CTDNEP1: variants seen among roughly 807,000 people sequenced by gnomAD.
The protein encoded by CTDNEP1 is CTD nuclear envelope phosphatase 1, also known as C-terminal domain nuclear envelope phosphatase 1.
A neutral mutation model predicts 30.1 loss-of-function variants in CTDNEP1; 3 were observed. The observed-to-expected ratio is 0.10, with a 90% confidence interval of 0.05 to 0.26. The LOEUF (loss-of-function observed/expected upper bound fraction) is 0.26. CTDNEP1 is among the 10% of genes least tolerant of loss of function. The pLI is 1.00. For synonymous variants in CTDNEP1, 123 were observed against 118.8 expected, an observed-to-expected ratio of 1.04 and a Z score of -0.23; for missense variants, 158 against 310.4, an observed-to-expected ratio of 0.51 and a Z score of 3.69.
Position 7,246,662 on chromosome 17 carries a change from A to C in CTDNEP1, c.360+129T>G, listed in dbSNP as rs112395362. On this transcript the variant is annotated intron_variant, in intron 4 of 7. Transcript: ENST00000574322. The surrounding 1 kb of genome is among the most constrained non-coding windows in gnomAD (Gnocchi z 4.9). ...TACTGAAAGCCACTCCCCTACCATT[A>C]CACAGCCTCCCCTCTAGAAAACTGC... The C allele has an allele frequency of 1.1e-3, 827 of 763,872 alleles. 5 individuals carry two copies. The highest frequency in any genetic ancestry group is 8.6e-3 in the African/African-American group (494 of 57,494). The allele number at this position is 763,872 out of a possible 1,614,324, so 47.3% of individuals were successfully genotyped here. A position where few individuals can be genotyped will look rare whatever the true frequency, so the allele number is the denominator to read the frequency against.
Position 7,251,195 on chromosome 17 carries a change from C to T in CTDNEP1, c.102G>A (p.Thr34=). 1 of 1,595,178 alleles carries T rather than the reference C, an allele frequency of 6.3e-7. No individual in the cohort carries two copies. ...FIYLLRRQIR[T]VIQYQTVRYD... ...ACCGCCAGCGCCCACCCTGGCTCACCGTGCGGATCTGCCTCCGCAGAAGGT... is the reference window on the plus strand; with the variant it reads ...ACCGCCAGCGCCCACCCTGGCTCACTGTGCGGATCTGCCTCCGCAGAAGGT... Residue 34 remains threonine, a splice_region_variant and synonymous_variant, in exon 1 of 8, where the codon ACG becomes ACA. Coordinates refer to ENST00000574322, the MANE Select transcript of CTDNEP1 (RefSeq NM_001143775.2).
In CTDNEP1 at chr17:7,247,302, T is replaced by C. The variant is rs767622720; in HGVS notation, c.144A>G (p.Leu48=). The change falls in exon 2 of 8, where the codon TTA becomes TTG. Residue 48 remains leucine (L), a synonymous_variant. Coordinates refer to ENST00000574322, the MANE Select transcript of CTDNEP1 (RefSeq NM_001143775.2). ...YQTVRYDILP[L]SPVSRNRLAQ... is the part of the protein sequence containing the mutation. The stretch of plus-strand genomic sequence containing the variant: ...CTAGCCGATTCCGGGACACAGGAGA[T>C]AAGGGGAGGATATCATATCGAACAG... The C allele has an allele frequency of 4.3e-6, 7 of 1,613,798 alleles. No individual in the cohort carries two copies. The African/African-American group carries it at 5.3e-5, about 12-fold the overall frequency.
rs187122310 is a variant in CTDNEP1 at position 7,246,486 on chromosome 17, T to C, written c.361-116A>G. On this transcript the variant is annotated intron_variant, in intron 4 of 7. Coordinates refer to ENST00000574322, the MANE Select transcript of CTDNEP1 (RefSeq NM_001143775.2). This position sits in a 1 kb window ranked among gnomAD's most constrained non-coding sequence, Gnocchi z 4.9. ...CTTCAGGCCTTCCATCAACATCAAA[T>C]GTCTCTGAGGACACGAAATTCTGAA... 528 of 794,654 alleles carry C rather than the reference T, an allele frequency of 6.6e-4. 2 individuals carry two copies. Among genetic ancestry groups the C allele is most frequent in the Middle Eastern group, 4.8e-3 (13 of 2,708 alleles). 49.2% of individuals were successfully genotyped at this position (794,654 alleles called of 1,614,324 possible). A position where few individuals can be genotyped will look rare whatever the true frequency, so the allele number is the denominator to read the frequency against.
At position 7,246,431 on chromosome 17, in the gene CTDNEP1, G is replaced by T; in HGVS notation, c.361-61C>A. On this transcript the variant is annotated intron_variant, in intron 4 of 7. Transcript: ENST00000574322. The surrounding 1 kb of genome is among the most constrained non-coding windows in gnomAD (Gnocchi z 4.9). Reference sequence around the variant, plus strand: ...AGGTGATGATTCCTTTAGACATACAGTTATCTTTCAGAAAGGCAATGGCAT... The same window carrying T: ...AGGTGATGATTCCTTTAGACATACATTTATCTTTCAGAAAGGCAATGGCAT... 8.1e-7 allele frequency: 1 copy of T among 1,235,222 alleles called. No individual in the cohort carries two copies. Among genetic ancestry groups the T allele is most frequent in the Non-Finnish European group, 1.2e-6 (1 of 841,382 alleles). The allele number at this position is 1,235,222 out of a possible 1,614,324, so 76.5% of individuals were successfully genotyped here.
chr17:7,251,376 C>CG lies in CTDNEP1; in HGVS notation c.-81dup. The stretch of plus-strand genomic sequence containing the variant: ...CCCCCCGGGGGCAGCCCCCCGCCGC[C>CG]GGGAGGGGGAACGGGGGCCCCGAGT... On this transcript the variant is annotated 5_prime_UTR_variant, in exon 1 of 8. Coordinates refer to ENST00000574322, the MANE Select transcript of CTDNEP1 (RefSeq NM_001143775.2). The CG allele has an allele frequency of 1.0e-6, 1 of 998,440 alleles. No homozygotes were observed. The highest frequency in any genetic ancestry group is 1.3e-6 in the Non-Finnish European group (1 of 741,552). The allele number at this position is 998,440 out of a possible 1,614,324, so 61.8% of individuals were successfully genotyped here. A position where few individuals can be genotyped will look rare whatever the true frequency, so the allele number is the denominator to read the frequency against.
chr17:7,249,499 G>T (rs1026837148), intron 1 of CTDNEP1, among the ~76,000 whole-genome samples: 24 of 152,362 alleles, frequency 1.6e-4, no homozygotes, highest in African/African-American at 5.5e-4. Flanking sequence ...TATGGGGTCA[G>T]TGCTGCCCAA....
In CTDNEP1 at chr17:7,246,260, G is replaced by A. The variant is rs1316001246; in HGVS notation, c.471C>T (p.Tyr157=). Residue 157 remains tyrosine, a synonymous_variant, in exon 5 of 8, where the codon TAC becomes TAT. Transcript: ENST00000574322. This position sits in a 1 kb window ranked among gnomAD's most constrained non-coding sequence, Gnocchi z 4.9. ...NSRSILKRRY[Y]RQHCTLELGS... is the part of the protein sequence containing the mutation. ...GACTGGGATTCTAGCTTACCTGTCT[G>A]TAATATCTCCTCTTAAGAATGCTTC... 1.2e-6 allele frequency: 2 copies of A among 1,609,802 alleles called. No individual in the cohort carries two copies. Among genetic ancestry groups the A allele is most frequent in the African/African-American group, 1.3e-5 (1 of 74,814 alleles).
Position 7,246,085 on chromosome 17 carries a change from C to G in CTDNEP1, c.530G>C (p.Ser177Thr), listed in dbSNP as rs1037163194. 4 of 1,614,004 alleles carry G rather than the reference C, an allele frequency of 2.5e-6. No homozygotes were observed. In the African/African-American group the frequency reaches 5.3e-5, roughly 22 times the overall value. Residue 177 changes from serine (S) to threonine (T), a missense_variant, in exon 6 of 8, where the codon AGT becomes ACT. Physicochemically the swap from Ser to Thr is moderately conservative, Grantham distance 58. Transcript: ENST00000574322. The surrounding 1 kb of genome is among the most constrained non-coding windows in gnomAD (Gnocchi z 4.9). Reference protein sequence around the residue: ...SYIKDLSVVHSDLSSIVILDN... With the variant: ...SYIKDLSVVHTDLSSIVILDN... Reference sequence around the variant, plus strand: ...CAGGATCACAATGCTGGAGAGGTCACTGTGGACCACAGAGAGGTCCTTGAT... The same window carrying G: ...CAGGATCACAATGCTGGAGAGGTCAGTGTGGACCACAGAGAGGTCCTTGAT...
chr17:7,244,283 T>C (rs2142998188), intron 7 of CTDNEP1, 38 bp from the exon 8 acceptor site: 5 of 1,603,270 alleles, frequency 3.1e-6, no homozygotes, highest in Non-Finnish European at 4.3e-6. Context: ...GAGTACCTTA[T>C]AGTTCATACC....
At chr17:7,249,226 G>A (rs927892217) in intron 1 of CTDNEP1, among the ~76,000 whole-genome samples, 1 of 152,134 alleles carries the variant, frequency 6.6e-6, no homozygotes, top group Non-Finnish European at 1.5e-5. Context: ...TTTCTTCAAA[G>A]GTACAAACCC....
At position 7,247,070 on chromosome 17, in the gene CTDNEP1, G is replaced by A; in HGVS notation, c.282C>T (p.Ile94=). Residue 94 remains isoleucine (I), a synonymous_variant, in exon 3 of 8, where the codon ATC becomes ATT. Coordinates refer to ENST00000574322, the MANE Select transcript of CTDNEP1 (RefSeq NM_001143775.2). ...ACTCCCCACCACCACACACCTTGAG[G>A]ATGAAGTCAGGAGGCGTACCAGGCC... is the stretch of plus-strand genomic sequence containing the variant. ...TVRPGTPPDF[I]LKVVIDKHPV... 1 of 1,609,182 alleles carries A rather than the reference G, an allele frequency of 6.2e-7. No individual in the cohort carries two copies. The highest frequency in any genetic ancestry group is 8.5e-7 in the Non-Finnish European group (1 of 1,176,820).
intron 1 of CTDNEP1, 118 bp downstream of exon 1, chr17:7,251,077 G>A: frequency 1.5e-6 from 1 of 653,464 alleles, no homozygotes; most frequent in South Asian, 2.4e-5. Context: ...CCCCAGCCAG[G>A]ATTCCCTTCC....
Position 7,246,436 on chromosome 17 carries a change from C to A in CTDNEP1, c.361-66G>T. The A allele has an allele frequency of 8.3e-7, 1 of 1,206,880 alleles. No homozygotes were observed. The highest frequency in any genetic ancestry group is 1.2e-6 in the Non-Finnish European group (1 of 816,860). The allele number at this position is 1,206,880 out of a possible 1,614,324, so 74.8% of individuals were successfully genotyped here. A position where few individuals can be genotyped will look rare whatever the true frequency, so the allele number is the denominator to read the frequency against. The stretch of plus-strand genomic sequence containing the variant: ...ATGATTCCTTTAGACATACAGTTAT[C>A]TTTCAGAAAGGCAATGGCATAGTCC... On this transcript the variant is annotated intron_variant, in intron 4 of 7. Coordinates refer to ENST00000574322, the MANE Select transcript of CTDNEP1 (RefSeq NM_001143775.2). The surrounding 1 kb of genome is among the most constrained non-coding windows in gnomAD (Gnocchi z 4.9).
At chr17:7,247,569 A>C (rs1294960913) in intron 1 of CTDNEP1, among the ~76,000 whole-genome samples, 1 of 151,602 alleles carries the variant, frequency 6.6e-6, no homozygotes. Context: ...CCCAGGTTCA[A>C]GCAATTCTCC....
intron 1 of CTDNEP1, among the ~76,000 whole-genome samples, chr17:7,248,089 C>T (rs575478800): frequency 3.3e-5 from 5 of 150,698 alleles, no homozygotes; most frequent in African/African-American, 4.9e-5. Context: ...GGTGAAACCC[C>T]GTCTCTACTA....
chr17:7,245,720 G>A (rs550394059), intron 6 of CTDNEP1, among the ~76,000 whole-genome samples: 101 of 151,818 alleles, frequency 6.7e-4, no homozygotes, highest in African/African-American at 2.4e-3. Flanking sequence ...GGCTGGTCTC[G>A]AACTTCTGAC....
At chr17:7,244,882 G>C (rs2071816547) in intron 6 of CTDNEP1, 2 of 422,960 alleles carry the variant, frequency 4.7e-6, no homozygotes, top group South Asian at 5.2e-5. Flanking sequence ...ACTTGGCCAG[G>C]CGCAGTGGCT....
Position 7,251,185 on chromosome 17 carries a change from C to T in CTDNEP1, c.102+10G>A, listed in dbSNP as rs780908221. The T allele has an allele frequency of 1.3e-6, 2 of 1,588,688 alleles. No individual in the cohort carries two copies. Among genetic ancestry groups the T allele is most frequent in the East Asian group, 2.3e-5 (1 of 43,084 alleles). On this transcript the variant is annotated intron_variant, in intron 1 of 7. Transcript: ENST00000574322. ...CGTCCCCAACACCGCCAGCGCCCAC[C>T]CTGGCTCACCGTGCGGATCTGCCTC...
At chr17:7,247,936 C>T (rs1339125522) in intron 1 of CTDNEP1, among the ~76,000 whole-genome samples, 3 of 151,890 alleles carry the variant, frequency 2.0e-5, no homozygotes, top group African/African-American at 7.3e-5. Context: ...ATTCCCAGTG[C>T]CTAGAACACA....
Sources: allele counts gnomAD v4.1 joint callset (sites outside exome capture counted in the v4.1 genomes callset), GRCh38; gene constraint gnomAD v4.1.1; non-coding constraint Gnocchi (gnomAD v3.1); transcripts MANE v1.5; gene names NCBI Gene and HGNC (gene_info 2026-07-23, HGNC 2026-07-21).